Variants in APH1B observed in about 807,000 individuals in gnomAD.
The protein encoded by APH1B is gamma-secretase subunit APH-1B.
In APH1B, 27 loss-of-function variants were observed where a neutral mutation model predicts 28.2. The observed-to-expected ratio is 0.96, with a 90% confidence interval of 0.70 to 1.32. APH1B has a LOEUF of 1.32. Among genes scored for constraint, APH1B ranks in the 40% most tolerant of loss-of-function variants. The pLI, the probability that APH1B is intolerant of heterozygous loss-of-function variation, is 0.00. For synonymous variants in APH1B, 141 were observed against 124.6 expected (o/e 1.13, Z -0.88); for missense variants, 305 against 313.6 (o/e 0.97, Z 0.21).
intron 2 of APH1B, among the ~76,000 whole-genome samples, chr15:63,281,225 A>G (rs2038382993): frequency 6.6e-6 from 1 of 152,148 alleles, no homozygotes; most frequent in South Asian, 2.1e-4. Flanking sequence ...CTGCATGGTT[A>G]TAATTATCTC....
chr15:63,282,007 C>A (rs1261646582), intron 2 of APH1B, among the ~76,000 whole-genome samples: 2 of 152,060 alleles, frequency 1.3e-5, no homozygotes, highest in African/African-American at 2.4e-5. Context: ...CTAGCAGGTA[C>A]GTTTGTTTGC....
chr15:63,279,463 T>C, intron 2 of APH1B, 132 bp downstream of exon 2: 2 of 737,622 alleles, frequency 2.7e-6, no homozygotes, highest in Non-Finnish European at 1.9e-6. Flanking sequence ...TTGGTACATT[T>C]CCAGCCTGAA....
chr15:63,294,473 G>A (rs995909150), intron 4 of APH1B, among the ~76,000 whole-genome samples: 2 of 152,160 alleles, frequency 1.3e-5, no homozygotes, highest in Admixed American at 6.5e-5. Flanking sequence ...GGGACCACTT[G>A]TACCAGTTCA....
chr15:63,294,346 A>G lies in APH1B; in HGVS notation c.478+6800A>G, dbSNP rs561967035. ...GCTCAGTCTAGCCCCGCCCCCCGGC[A>G]ACCTCTCAGCTTGATCCCATGCAGC... On this transcript the variant is annotated intron_variant, in intron 4 of 5. Transcript: ENST00000261879. Among the ~76,000 whole-genome samples the G allele has an allele frequency of 4.2e-3, 633 of 152,324 alleles. 6 individuals are homozygous for G. The highest frequency in any genetic ancestry group is 0.015 in the African/African-American group (616 of 41,576).
intron 2 of APH1B, 31 bp from the exon 3 acceptor site, chr15:63,286,524 TTTC>T (rs749854453): frequency 2.0e-6 from 3 of 1,526,314 alleles, no homozygotes; most frequent in South Asian, 2.5e-5. Context: ...TTTTTTTTTT[TTTC>T]TTCTTAATTA....
intron 4 of APH1B, among the ~76,000 whole-genome samples, chr15:63,293,764 G>A (rs2038532133): frequency 6.6e-6 from 1 of 151,920 alleles, no homozygotes; most frequent in Non-Finnish European, 1.5e-5. Flanking sequence ...CCAAAGTGTG[G>A]CCTATTTGTT....
chr15:63,278,505 T>TTGAA (rs1330009234), intron 1 of APH1B, among the ~76,000 whole-genome samples: 2 of 152,212 alleles, frequency 1.3e-5, no homozygotes, highest in African/African-American at 4.8e-5. Flanking sequence ...CACAAACGTA[T>TTGAA]TGAAAGTGCT....
intron 4 of APH1B, among the ~76,000 whole-genome samples, chr15:63,299,832 G>A (rs1567032120): frequency 1.3e-5 from 2 of 151,850 alleles, no homozygotes; most frequent in Admixed American, 6.6e-5. Flanking sequence ...ATTGGAAAAG[G>A]CAATCGGGTT....
At chr15:63,303,535 G>A (rs768249013) in intron 5 of APH1B, among the ~76,000 whole-genome samples, 5 of 152,162 alleles carry the variant, frequency 3.3e-5, no homozygotes, top group Admixed American at 6.5e-5. Context: ...TTGCCCTGTT[G>A]CCCAGGCTGG....
At chr15:63,296,056 A>G (rs569792390) in intron 4 of APH1B, among the ~76,000 whole-genome samples, 70 of 152,342 alleles carry the variant, frequency 4.6e-4, no homozygotes, top group Middle Eastern at 3.4e-3. Context: ...ATTACAGTAA[A>G]TCAGGCCGCA....
intron 4 of APH1B, among the ~76,000 whole-genome samples, chr15:63,290,638 A>G (rs1278235387): frequency 6.6e-6 from 1 of 152,244 alleles, no homozygotes; most frequent in Non-Finnish European, 1.5e-5. Context: ...GCTGTAACCC[A>G]TGCTCCCAGG....
At chr15:63,292,501 C>T (rs1254425554) in intron 4 of APH1B, among the ~76,000 whole-genome samples, 1 of 151,976 alleles carries the variant, frequency 6.6e-6, no homozygotes, top group Non-Finnish European at 1.5e-5. Context: ...GTGATCCTCC[C>T]ACTCAGCCTC....
intron 4 of APH1B, among the ~76,000 whole-genome samples, chr15:63,293,803 C>T (rs1393883157): frequency 6.6e-6 from 1 of 152,022 alleles, no homozygotes; most frequent in East Asian, 1.9e-4. Context: ...CTTGCTCTGT[C>T]ACCTAGGCTG....
chr15:63,284,607 C>T (rs1474012556), intron 2 of APH1B, among the ~76,000 whole-genome samples: 2 of 152,304 alleles, frequency 1.3e-5, no homozygotes, highest in East Asian at 1.9e-4. Context: ...TATGCTACAA[C>T]ATTATGACGT....
rs922730529 is a variant in APH1B at position 63,300,021 on chromosome 15, T to C, written c.479-2324T>C. 2.6e-5 allele frequency among the ~76,000 whole-genome samples: 4 copies of C among 152,190 alleles called. No homozygotes were observed. In the East Asian group the frequency reaches 5.8e-4, roughly 22 times the overall value. ...AACATATGCCTTCATATATTATATG[T>C]GCATGAAATGGCAGGGATTTTCTTT... On this transcript the variant is annotated intron_variant, in intron 4 of 5. Transcript: ENST00000261879.
At chr15:63,283,483 G>A (rs893827213) in intron 2 of APH1B, among the ~76,000 whole-genome samples, 5 of 152,114 alleles carry the variant, frequency 3.3e-5, no homozygotes, top group African/African-American at 1.2e-4. Context: ...GCCCACCTCA[G>A]CCACCCAAAA....
At chr15:63,300,677 C>G (rs985562228) in intron 4 of APH1B, among the ~76,000 whole-genome samples, 1 of 152,160 alleles carries the variant, frequency 6.6e-6, no homozygotes, top group African/African-American at 2.4e-5. Flanking sequence ...TGTTTCTCTT[C>G]TAATTTAGTT....
chr15:63,281,427 C>G (rs966245384), intron 2 of APH1B, among the ~76,000 whole-genome samples: 1 of 151,748 alleles, frequency 6.6e-6, no homozygotes, highest in Non-Finnish European at 1.5e-5. Flanking sequence ...AAGTAGTACC[C>G]CTGACTGGGC....
chr15:63,279,970 G>A (rs187202342), intron 2 of APH1B, among the ~76,000 whole-genome samples: 10 of 152,076 alleles, frequency 6.6e-5, no homozygotes, highest in African/African-American at 2.4e-4. Flanking sequence ...GCTAATTTTT[G>A]TAATTTTAGT....
Sources: allele counts gnomAD v4.1 joint callset (sites outside exome capture counted in the v4.1 genomes callset), GRCh38; gene constraint gnomAD v4.1.1; transcripts MANE v1.5; gene names NCBI Gene and HGNC (gene_info 2026-07-23, HGNC 2026-07-21).